The following BTBD8 variants were observed in gnomAD, a reference collection of about 807,000 sequenced individuals.
The protein encoded by BTBD8 is BTB domain containing 8.
A neutral mutation model predicts 162.9 loss-of-function variants in BTBD8; 110 were observed. The ratio of observed to expected loss-of-function variants is 0.68; its 90% CI spans 0.58 to 0.79. The LOEUF (loss-of-function observed/expected upper bound fraction) is 0.79. BTBD8 is among the 30% of genes least tolerant of loss of function. BTBD8 has a pLI of 0.00. For missense variants in BTBD8, 1,905 were observed against 2,085.4 expected (o/e 0.91, Z 1.68); for synonymous variants, 667 against 716.1 (o/e 0.93, Z 1.10).
Position 92,147,805 on chromosome 1 carries a change from C to T in BTBD8, c.1122+19C>T, listed in dbSNP as rs1369828458. 3 of 1,561,196 alleles carry T rather than the reference C, an allele frequency of 1.9e-6. No individual in the cohort carries two copies. Among genetic ancestry groups the T allele is most frequent in the Middle Eastern group, 1.7e-4 (1 of 5,908 alleles). ...GTCCTTAGTAAGTATAACCTGAATA[C>T]TCTTTTGTGTGTTTGCCATTAAAAA... On this transcript the variant is annotated intron_variant, in intron 9 of 17. Coordinates refer to ENST00000636805, the MANE Select transcript of BTBD8 (RefSeq NM_001376131.1).
At chr1:92,157,996 CTG>C in intron 9 of BTBD8, among the ~76,000 whole-genome samples, 1 of 152,300 alleles carries the variant, frequency 6.6e-6, no homozygotes, top group East Asian at 1.9e-4. Flanking sequence ...TACATAATGT[CTG>C]TGTCTCTTGT....
At chr1:92,136,252 G>A (rs1649630482) in intron 5 of BTBD8, among the ~76,000 whole-genome samples, 1 of 151,844 alleles carries the variant, frequency 6.6e-6, no homozygotes, top group African/African-American at 2.4e-5. Context: ...AACATTTATT[G>A]AACATATATT....
At chr1:92,096,882 G>A (rs544730054) in intron 2 of BTBD8, among the ~76,000 whole-genome samples, 1 of 152,104 alleles carries the variant, frequency 6.6e-6, no homozygotes, top group East Asian at 1.9e-4. Context: ...CCACTTTCTT[G>A]GAGTATTATT....
intron 9 of BTBD8, among the ~76,000 whole-genome samples, chr1:92,162,080 C>T (rs1650285055): frequency 6.6e-6 from 1 of 150,524 alleles, no homozygotes; most frequent in Non-Finnish European, 1.5e-5. Flanking sequence ...ACTTGAAAAA[C>T]AGTGCTCCAT....
chr1:92,133,784 C>G (rs1305433252), intron 5 of BTBD8, among the ~76,000 whole-genome samples: 1 of 152,124 alleles, frequency 6.6e-6, no homozygotes, highest in Non-Finnish European at 1.5e-5. Flanking sequence ...TCCTGGCTAA[C>G]ACGGTGAAAC....
chr1:92,100,126 G>A (rs954613080), intron 2 of BTBD8, among the ~76,000 whole-genome samples: 1 of 152,132 alleles, frequency 6.6e-6, no homozygotes, highest in Admixed American at 6.5e-5. Context: ...GTGGTTTTGT[G>A]TACTTTATTT....
chr1:92,082,847 T>TA lies in BTBD8; in HGVS notation c.149+2137dup, dbSNP rs140384898. Among the ~76,000 whole-genome samples the TA allele has an allele frequency of 6.3e-3, 937 of 147,772 alleles. 9 individuals are homozygous for TA. Among genetic ancestry groups the TA allele is most frequent in the African/African-American group, 0.015 (589 of 40,314 alleles). The stretch of plus-strand genomic sequence containing the variant: ...AATGGACTGTTATTCAGGGCAGTGG[T>TA]AAAAAAAAAACACTAATACTTATTG... On this transcript the variant is annotated intron_variant, in intron 1 of 17. Coordinates refer to ENST00000636805, the MANE Select transcript of BTBD8 (RefSeq NM_001376131.1).
chr1:92,178,508 AG>A (rs1269389697), intron 16 of BTBD8, 57 bp downstream of exon 16: 1 of 1,397,826 alleles, frequency 7.2e-7, no homozygotes, highest in African/African-American at 1.5e-5. Context: ...AAACTGGATA[AG>A]CCAAACTCTG....
At chr1:92,132,315 CTT>C (rs34496421) in intron 5 of BTBD8, among the ~76,000 whole-genome samples, 2 of 141,886 alleles carry the variant, frequency 1.4e-5, no homozygotes, top group Non-Finnish European at 1.5e-5. Flanking sequence ...AGGGGGTGTC[CTT>C]TTTTTTTTTT....
At chr1:92,164,133 A>T (rs957367200) in intron 9 of BTBD8, among the ~76,000 whole-genome samples, 4 of 152,238 alleles carry the variant, frequency 2.6e-5, no homozygotes, top group Admixed American at 1.3e-4. Flanking sequence ...TAGACGAATT[A>T]TAGCAAAGTA....
chr1:92,128,317 C>T (rs1382807541), intron 4 of BTBD8, among the ~76,000 whole-genome samples: 2 of 146,828 alleles, frequency 1.4e-5, no homozygotes, highest in African/African-American at 2.5e-5. Context: ...CTTGCTCTGT[C>T]GCCCAGGCTG....
chr1:92,128,567 C>T lies in BTBD8; in HGVS notation c.663-1120C>T, dbSNP rs543548418. Reference sequence around the variant, plus strand: ...TGCTGGGATTACAGGCGTGAGCCACCGCGCCCGGCCATTTTTTTGTATTTT... The same window carrying T: ...TGCTGGGATTACAGGCGTGAGCCACTGCGCCCGGCCATTTTTTTGTATTTT... On this transcript the variant is annotated intron_variant, in intron 4 of 17. Transcript: ENST00000636805. Among the ~76,000 whole-genome samples, 292 of 151,910 alleles carry T rather than the reference C, an allele frequency of 1.9e-3. 1 individual carries two copies. The highest frequency in any genetic ancestry group is 6.7e-3 in the African/African-American group (276 of 41,412).
At chr1:92,131,006 C>A (rs968905694) in intron 5 of BTBD8, among the ~76,000 whole-genome samples, 1 of 152,108 alleles carries the variant, frequency 6.6e-6, no homozygotes, top group Non-Finnish European at 1.5e-5. Context: ...GCTTGGCCTA[C>A]GTTCAAGTTT....
chr1:92,171,320 AC>A, intron 12 of BTBD8, 78 bp from the exon 13 acceptor site: 1 of 1,035,876 alleles, frequency 9.7e-7, no homozygotes, highest in Admixed American at 2.5e-5. Context: ...CCTTTTTTCT[AC>A]TGACATACTA....
At chr1:92,164,252 C>T (rs976591634) in intron 9 of BTBD8, among the ~76,000 whole-genome samples, 2 of 152,024 alleles carry the variant, frequency 1.3e-5, no homozygotes, top group Non-Finnish European at 2.9e-5. Context: ...TTTGGGAGGC[C>T]GAGGTGGGAG....
chr1:92,145,138 A>AT (rs1333574985), intron 7 of BTBD8, among the ~76,000 whole-genome samples: 3 of 151,860 alleles, frequency 2.0e-5, no homozygotes, highest in Admixed American at 2.0e-4. Flanking sequence ...TAATTTTTGT[A>AT]TTTTTAGTAG....
At chr1:92,170,211 A>C (rs922556421) in intron 12 of BTBD8, among the ~76,000 whole-genome samples, 1 of 152,170 alleles carries the variant, frequency 6.6e-6, no homozygotes, top group African/African-American at 2.4e-5. Flanking sequence ...TTGGTAATCC[A>C]ACTATCCAGC....
intron 1 of BTBD8, among the ~76,000 whole-genome samples, chr1:92,085,291 T>G (rs1250522254): frequency 2.6e-5 from 4 of 152,254 alleles, no homozygotes; most frequent in African/African-American, 9.6e-5. Flanking sequence ...TCAAAACTCA[T>G]GTTGAATTTT....
chr1:92,094,661 T>C (rs548317590), intron 2 of BTBD8, among the ~76,000 whole-genome samples: 1 of 152,228 alleles, frequency 6.6e-6, no homozygotes, highest in Non-Finnish European at 1.5e-5. Context: ...CTCAAATGAT[T>C]GTCAGTGGAA....
Sources: allele counts gnomAD v4.1 joint callset (sites outside exome capture counted in the v4.1 genomes callset), GRCh38; gene constraint gnomAD v4.1.1; transcripts MANE v1.5; gene names NCBI Gene and HGNC (gene_info 2026-07-23, HGNC 2026-07-21).